Variants in UNK observed in about 807,000 individuals in gnomAD.
The protein encoded by UNK is RING finger protein unkempt homolog.
Under a neutral mutation model 97.6 loss-of-function variants are expected in UNK, and 32 were observed. That is an observed-to-expected ratio of 0.33 (90% CI 0.25 to 0.44). The LOEUF is 0.44. Ranked by LOEUF, UNK falls within the 20% of genes least tolerant of loss-of-function variation. UNK has a pLI of 1.00. For missense variants in UNK, 771 were observed against 1,098.4 expected (o/e 0.70, Z 4.21); for synonymous variants, 441 against 461.2 (o/e 0.96, Z 0.56).
chr17:75,789,097 A>G (rs1315738450), intron 1 of UNK, among the ~76,000 whole-genome samples: 1 of 152,086 alleles, frequency 6.6e-6, no homozygotes, highest in African/African-American at 2.4e-5. Flanking sequence ...AGTTTAAAGG[A>G]TAATTTTGTT....
Position 75,818,958 on chromosome 17 carries a change from C to A in UNK, c.1546+142C>A. The A allele has an allele frequency of 1.0e-6, 1 of 1,003,244 alleles. No homozygotes were observed. The allele number at this position is 1,003,244 out of a possible 1,614,324, so 62.1% of individuals were successfully genotyped here. On this transcript the variant is annotated intron_variant, in intron 11 of 15. Transcript: ENST00000589666. The surrounding 1 kb of genome is among the most constrained non-coding windows in gnomAD (Gnocchi z 5.1). ...AAATCAGGGGATGGGCACTCTGAGT[C>A]CTTTGAGCTAAAGGGGAAATGACCC...
intron 13 of UNK, chr17:75,821,894 C>T: frequency 2.8e-6 from 1 of 359,288 alleles, no homozygotes; most frequent in Non-Finnish European, 5.5e-6. Flanking sequence ...AACCACACTC[C>T]CTGTCTGTGT....
chr17:75,789,378 C>T (rs2061742208), intron 1 of UNK, among the ~76,000 whole-genome samples: 1 of 151,984 alleles, frequency 6.6e-6, no homozygotes, highest in African/African-American at 2.4e-5. Flanking sequence ...CTCTGTTGCC[C>T]TTGGCTGGAG....
chr17:75,797,404 T>C (rs916118216), intron 1 of UNK, among the ~76,000 whole-genome samples: 7 of 152,146 alleles, frequency 4.6e-5, no homozygotes, highest in Non-Finnish European at 1.0e-4. Context: ...CCAGGTAATT[T>C]TTGTATTTTT....
chr17:75,813,531 G>A (rs1204689878), intron 5 of UNK, among the ~76,000 whole-genome samples: 1 of 152,214 alleles, frequency 6.6e-6, no homozygotes, highest in Admixed American at 6.5e-5. Flanking sequence ...ACCCTACTTG[G>A]GCTAGTGGGA....
intron 1 of UNK, among the ~76,000 whole-genome samples, chr17:75,806,444 CAGAG>C (rs896937701): frequency 1.4e-5 from 2 of 139,826 alleles, no homozygotes; most frequent in African/African-American, 5.4e-5. Context: ...GCCTGGGCGA[CAGAG>C]GGAGACTCCG....
At chr17:75,810,784 G>A (rs994495669) in intron 2 of UNK, among the ~76,000 whole-genome samples, 6 of 150,874 alleles carry the variant, frequency 4.0e-5, no homozygotes, top group African/African-American at 1.5e-4. Context: ...CTGCAGGCGT[G>A]CACCACAATA....
At chr17:75,797,483 C>T (rs2061817111) in intron 1 of UNK, among the ~76,000 whole-genome samples, 1 of 152,264 alleles carries the variant, frequency 6.6e-6, no homozygotes, top group Admixed American at 6.5e-5. Context: ...GATCCGCCCG[C>T]CTTGGCTGTC....
chr17:75,812,654 TCAC>T, intron 4 of UNK, 69 bp downstream of exon 4: 4 of 1,556,702 alleles, frequency 2.6e-6, no homozygotes, highest in Non-Finnish European at 3.5e-6. Context: ...GGGATTTGGC[TCAC>T]CACCACCTAC....
chr17:75,790,228 C>T (rs1490807102), intron 1 of UNK, among the ~76,000 whole-genome samples: 3 of 151,810 alleles, frequency 2.0e-5, no homozygotes, highest in African/African-American at 4.8e-5. Context: ...ACCCAGGAGG[C>T]GGGGGTTGCA....
At chr17:75,808,500 A>C (rs1249245465) in intron 1 of UNK, among the ~76,000 whole-genome samples, 1 of 152,062 alleles carries the variant, frequency 6.6e-6, no homozygotes, top group Non-Finnish European at 1.5e-5. Flanking sequence ...AGAACCAGAC[A>C]TACTCTGTTT....
At chr17:75,792,038 G>C in intron 1 of UNK, 1 of 985,424 alleles carries the variant, frequency 1.0e-6, no homozygotes. Flanking sequence ...TCTTTCCTGT[G>C]TGTCTTAGAA....
rs773215037 is a variant in UNK at position 75,823,435 on chromosome 17, C to T, written c.2190C>T (p.Pro730=). The T allele has an allele frequency of 1.1e-5, 17 of 1,589,932 alleles. No individual in the cohort carries two copies. Among genetic ancestry groups the T allele is most frequent in the Middle Eastern group, 1.7e-4 (1 of 6,048 alleles). The change falls in exon 15 of 16, where the codon CCC becomes CCT. Residue 730 remains proline (P), a synonymous_variant. Transcript: ENST00000589666. ...CGGGGCCTGAGCCCCAGGCCCTGCC[C>T]GCCTTCTCCGACCTGGAGGCGCTCT... ...LHAGPEPQAL[P]AFSDLEALSL... is the part of the protein sequence containing the mutation.
chr17:75,796,806 C>T (rs957954273), intron 1 of UNK, among the ~76,000 whole-genome samples: 2 of 152,202 alleles, frequency 1.3e-5, no homozygotes, highest in Admixed American at 1.3e-4. Flanking sequence ...TTGTAACAAA[C>T]ATATACATAC....
chr17:75,795,465 G>C (rs528004112), intron 1 of UNK, among the ~76,000 whole-genome samples: 1 of 152,168 alleles, frequency 6.6e-6, no homozygotes. Flanking sequence ...TCAGCCTCCT[G>C]AGTAGCTGAG....
chr17:75,817,234 C>T lies in UNK; in HGVS notation c.1105-92C>T. 9 of 1,379,006 alleles carry T rather than the reference C, an allele frequency of 6.5e-6. No homozygotes were observed. The South Asian group carries it at 1.3e-4, about 19-fold the overall frequency. 85.4% of individuals were successfully genotyped at this position (1,379,006 alleles called of 1,614,324 possible). Reference sequence around the variant, plus strand: ...GGCAGATGAAAGTGGAACTGAGCCCCTTGAAGACTCCCTCTGGAGAGGGTG... The same window carrying T: ...GGCAGATGAAAGTGGAACTGAGCCCTTTGAAGACTCCCTCTGGAGAGGGTG... On this transcript the variant is annotated intron_variant, in intron 8 of 15. Transcript: ENST00000589666. This position sits in a 1 kb window ranked among gnomAD's most constrained non-coding sequence, Gnocchi z 5.8.
At chr17:75,820,581 G>T (rs1423881503) in intron 13 of UNK, among the ~76,000 whole-genome samples, 1 of 152,226 alleles carries the variant, frequency 6.6e-6, no homozygotes, top group Non-Finnish European at 1.5e-5. Context: ...CCGGGCAGAG[G>T]CTCCAGGGAG....
intron 1 of UNK, among the ~76,000 whole-genome samples, chr17:75,793,137 G>C (rs1158721780): frequency 2.0e-5 from 3 of 152,324 alleles, no homozygotes; most frequent in African/African-American, 7.2e-5. Flanking sequence ...TCTCCAACTT[G>C]ATAGCCATTC....
intron 1 of UNK, among the ~76,000 whole-genome samples, chr17:75,805,327 G>A (rs1429880263): frequency 1.3e-5 from 2 of 150,638 alleles, no homozygotes; most frequent in Admixed American, 1.3e-4. Context: ...GAGCCCAGGA[G>A]GTTGAGGCTG....
Sources: gnomAD v4.1 joint callset for allele counts (sites outside exome capture counted in the v4.1 genomes callset) on GRCh38, gnomAD v4.1.1 for gene constraint, Gnocchi (gnomAD v3.1) non-coding constraint, MANE v1.5 for transcripts, NCBI Gene and HGNC (gene_info 2026-07-23, HGNC 2026-07-21) for gene names.